FOXO3: variants seen among roughly 807,000 people sequenced by gnomAD.
The protein encoded by FOXO3 is forkhead box protein O3.
FOXO3 carries 4 observed loss-of-function variants against 41.9 expected under a neutral mutation model. That is an observed-to-expected ratio of 0.10 (90% CI 0.05 to 0.22). The LOEUF (loss-of-function observed/expected upper bound fraction) is 0.22, where lower values mean the gene tolerates loss of function less well. Among genes scored for constraint, FOXO3 ranks in the 10% least tolerant of loss-of-function variants. The pLI, the probability that FOXO3 is intolerant of heterozygous loss-of-function variation, is 1.00. For synonymous variants in FOXO3, 318 were observed against 389.3 expected (o/e 0.82, Z 2.16); for missense variants, 534 against 906.8 (o/e 0.59, Z 5.28).
chr6:108,585,071 G>A (rs1340897263), intron 1 of FOXO3, among the ~76,000 whole-genome samples: 1 of 110,258 alleles, frequency 9.1e-6, no homozygotes, highest in Non-Finnish European at 1.7e-5. Flanking sequence ...GTCTCGCTCT[G>A]TTGCCCAGGC....
rs139107403 is a variant in FOXO3, at chr6:108,630,099, A to G, written c.622-33356A>G. Among the ~76,000 whole-genome samples, 15 of 152,338 alleles carry G rather than the reference A, an allele frequency of 9.8e-5. No homozygotes were observed. The East Asian group carries it at 1.9e-3, about 20-fold the overall frequency. On this transcript the variant is annotated intron_variant, in intron 1 of 2. Coordinates refer to ENST00000406360, the MANE Select transcript of FOXO3 (RefSeq NM_001455.4). ...AAGATAGTTTCCTCTGGTTTTGTCTAGACCACAAGTGGCTTCAGAGAAACA... is the reference window on the plus strand; with the variant it reads ...AAGATAGTTTCCTCTGGTTTTGTCTGGACCACAAGTGGCTTCAGAGAAACA...
intron 1 of FOXO3, among the ~76,000 whole-genome samples, chr6:108,590,392 C>T (rs991865064): frequency 4.6e-5 from 7 of 152,286 alleles, no homozygotes; most frequent in Admixed American, 1.3e-4. Context: ...TGACATGACA[C>T]TACAAGTGGG....
At chr6:108,571,256 G>A (rs1776090561) in intron 1 of FOXO3, among the ~76,000 whole-genome samples, 1 of 152,188 alleles carries the variant, frequency 6.6e-6, no homozygotes, top group Non-Finnish European at 1.5e-5. Flanking sequence ...GAATAGTCAT[G>A]GATCTACAGG....
chr6:108,632,037 A>T (rs1214922781), intron 1 of FOXO3, among the ~76,000 whole-genome samples: 2 of 152,118 alleles, frequency 1.3e-5, no homozygotes, highest in African/African-American at 4.8e-5. Context: ...GAATTTCCTG[A>T]AACTGGAAAT....
intron 1 of FOXO3, among the ~76,000 whole-genome samples, chr6:108,652,644 C>T (rs987715389): frequency 6.6e-6 from 1 of 152,240 alleles, no homozygotes; most frequent in African/African-American, 2.4e-5. Flanking sequence ...CCTCAGTTTC[C>T]TCCTGACAGG....
chr6:108,622,287 G>C lies in FOXO3; in HGVS notation c.622-41168G>C, dbSNP rs146602152. Among the ~76,000 whole-genome samples the C allele has an allele frequency of 7.2e-4, 109 of 150,982 alleles. 3 individuals are homozygous for C. In the East Asian group the frequency reaches 0.019, roughly 27 times the overall value. On this transcript the variant is annotated intron_variant, in intron 1 of 2. Coordinates refer to ENST00000406360, the MANE Select transcript of FOXO3 (RefSeq NM_001455.4). ...AAAAAAAAAAAAAAAAAAAGGCAGG[G>C]ATATCTGAGACTTAAGTTCCTCTTG...
In FOXO3 at chr6:108,561,097, G is replaced by T; in HGVS notation, c.-112G>T. The T allele has an allele frequency of 7.0e-7, 1 of 1,427,964 alleles. No homozygotes were observed. Among genetic ancestry groups the T allele is most frequent in the South Asian group, 1.4e-5 (1 of 69,522 alleles). The allele number at this position is 1,427,964 out of a possible 1,614,324, so 88.5% of individuals were successfully genotyped here. Reference sequence around the variant, plus strand: ...TGGTGCTTCCCCAGGCGGCGGCGGCGGCGCCCGGGAGCCGGAGCCTTCGCG... The same window carrying T: ...TGGTGCTTCCCCAGGCGGCGGCGGCTGCGCCCGGGAGCCGGAGCCTTCGCG... On this transcript the variant is annotated 5_prime_UTR_variant, in exon 1 of 3. Coordinates refer to ENST00000406360, the MANE Select transcript of FOXO3 (RefSeq NM_001455.4).
At chr6:108,560,588 G>C (rs1386359974), upstream of FOXO3, among the ~76,000 whole-genome samples, 2 of 152,148 alleles carry the variant, frequency 1.3e-5, no homozygotes, top group African/African-American at 4.8e-5. Context: ...GGGGGTCGCG[G>C]AGGCGGCCAG....
At position 108,664,663 on chromosome 6, in the gene FOXO3, C is replaced by T. The variant is rs764012322; in HGVS notation, c.1830C>T (p.Asp610=). 9.8e-7 allele frequency: 1 copy of T among 1,017,214 alleles called. No homozygotes were observed. The highest frequency in any genetic ancestry group is 2.4e-5 in the East Asian group (1 of 41,748). The allele number at this position is 1,017,214 out of a possible 1,614,324, so 63.0% of individuals were successfully genotyped here. A position where few individuals can be genotyped will look rare whatever the true frequency, so the allele number is the denominator to read the frequency against. ...PVMGHEKFPS[D]LDLDMFNGSL... ...TGGGCCATGAGAAGTTCCCCAGCGA[C>T]TTGGACCTGGACATGTTCAATGGGA... Residue 610 remains aspartate, a synonymous_variant, in exon 2 of 3, where the codon GAC becomes GAT. Transcript: ENST00000406360.
chr6:108,606,804 T>C (rs940770941), intron 1 of FOXO3, among the ~76,000 whole-genome samples: 1 of 152,222 alleles, frequency 6.6e-6, no homozygotes, highest in Non-Finnish European at 1.5e-5. Flanking sequence ...TTATGTATTC[T>C]AGCTATTTGA....
intron 1 of FOXO3, among the ~76,000 whole-genome samples, chr6:108,635,837 C>G (rs201712210): frequency 6.6e-6 from 1 of 152,230 alleles, no homozygotes; most frequent in Non-Finnish European, 1.5e-5. Flanking sequence ...CCTACTGCCT[C>G]TGTCAGAGGG....
At chr6:108,582,195 A>G (rs1211457458) in intron 1 of FOXO3, among the ~76,000 whole-genome samples, 1 of 152,202 alleles carries the variant, frequency 6.6e-6, no homozygotes, top group African/African-American at 2.4e-5. Context: ...TTTATTTACT[A>G]GCCACCTAAA....
At chr6:108,580,407 C>T (rs557439548) in intron 1 of FOXO3, among the ~76,000 whole-genome samples, 2 of 152,152 alleles carry the variant, frequency 1.3e-5, no homozygotes, top group South Asian at 4.1e-4. Context: ...TTACACATTT[C>T]AAACTCCTGA....
At chr6:108,662,899 C>A (rs956623612) in intron 1 of FOXO3, among the ~76,000 whole-genome samples, 1 of 152,170 alleles carries the variant, frequency 6.6e-6, no homozygotes, top group Non-Finnish European at 1.5e-5. Flanking sequence ...TTGAGGAAAA[C>A]TACTATCAGT....
chr6:108,562,483 C>A (rs58775446), intron 1 of FOXO3, among the ~76,000 whole-genome samples: 11,407 of 152,192 alleles, frequency 0.075, 588 homozygotes, highest in South Asian at 0.22. Context: ...CTGCTTCTGA[C>A]TAGCTGCTTC....
At chr6:108,640,564 TG>T (rs1778229850) in intron 1 of FOXO3, among the ~76,000 whole-genome samples, 1 of 152,242 alleles carries the variant, frequency 6.6e-6, no homozygotes, top group Non-Finnish European at 1.5e-5. Context: ...ATGTTTAAAG[TG>T]TTTTTTTAAT....
intron 1 of FOXO3, among the ~76,000 whole-genome samples, chr6:108,652,438 T>G (rs1778570946): frequency 6.6e-6 from 1 of 152,250 alleles, no homozygotes; most frequent in Non-Finnish European, 1.5e-5. Flanking sequence ...AACATTTAAT[T>G]GAATCACACA....
At chr6:108,601,429 G>A (rs545943636) in intron 1 of FOXO3, among the ~76,000 whole-genome samples, 2 of 151,752 alleles carry the variant, frequency 1.3e-5, no homozygotes, top group Admixed American at 1.3e-4. Context: ...TCACCCTCCC[G>A]AGTAGCTGGG....
chr6:108,618,802 C>A (rs1393525418), intron 1 of FOXO3, among the ~76,000 whole-genome samples: 1 of 152,112 alleles, frequency 6.6e-6, no homozygotes, highest in African/African-American at 2.4e-5. Flanking sequence ...AGGAACCGAC[C>A]CTTTTGTGCT....
Sources: allele counts gnomAD v4.1 joint callset (sites outside exome capture counted in the v4.1 genomes callset), GRCh38; gene constraint gnomAD v4.1.1; transcripts MANE v1.5; gene names NCBI Gene and HGNC (gene_info 2026-07-23, HGNC 2026-07-21).